Variants in CMYA5 observed in about 807,000 individuals in gnomAD.
The protein encoded by CMYA5 is cardiomyopathy-associated protein 5.
In CMYA5, 246 loss-of-function variants were observed where a neutral mutation model predicts 318.9. The observed-to-expected ratio is 0.77, with a 90% confidence interval of 0.70 to 0.86. The LOEUF (loss-of-function observed/expected upper bound fraction) is 0.86, where lower values mean the gene tolerates loss of function less well. Among genes scored for constraint, CMYA5 ranks in the 40% least tolerant of loss-of-function variants. CMYA5 has a pLI of 0.00. For missense variants in CMYA5, 4,589 were observed against 4,678.2 expected (o/e 0.98, Z 0.56); for synonymous variants, 1,641 against 1,729.5 (o/e 0.95, Z 1.27).
Position 79,737,665 on chromosome 5 carries a change from AG to A in CMYA5, c.8902del (p.Glu2968LysfsTer10). The A allele has an allele frequency of 6.2e-7, 1 of 1,613,266 alleles. No individual in the cohort carries two copies. Among genetic ancestry groups the A allele is most frequent in the South Asian group, 1.1e-5 (1 of 90,878 alleles). On this transcript the variant is annotated frameshift_variant, in exon 2 of 13. Transcript: ENST00000446378. LOFTEE classifies it high-confidence loss of function. ...CCGGCCTTTATTTCTTCAATCGATC[AG>A]GAAGAAAGTGAACAAATGCAAGATA... ...HAPAFISSIDQEESEQMQDKL... is the reference protein window; with the variant it reads ...HAPAFISSIDXEESEQMQDKL...
rs962152434 is a variant in CMYA5 at position 79,799,258 on chromosome 5, T to G, written c.11964-112T>G. The G allele has an allele frequency of 2.1e-5, 23 of 1,097,856 alleles. No homozygotes were observed. In the African/African-American group the frequency reaches 3.5e-4, roughly 17 times the overall value. 68.0% of individuals were successfully genotyped at this position (1,097,856 alleles called of 1,614,324 possible). On this transcript the variant is annotated intron_variant, in intron 12 of 12. Coordinates refer to ENST00000446378, the MANE Select transcript of CMYA5 (RefSeq NM_153610.5). ...TTTGGGACAGCATTATTGCAACTCC[T>G]TATTGTGAAGTGGAGTTAATAACTG...
intron 12 of CMYA5, among the ~76,000 whole-genome samples, chr5:79,796,446 A>G (rs1484381268): frequency 6.6e-6 from 1 of 152,148 alleles, no homozygotes; most frequent in African/African-American, 2.4e-5. Context: ...TGTGTGTGAC[A>G]GTATATACAG....
At chr5:79,760,252 G>A (rs968000588) in intron 7 of CMYA5, among the ~76,000 whole-genome samples, 1 of 146,910 alleles carries the variant, frequency 6.8e-6, no homozygotes, top group Admixed American at 6.9e-5. Flanking sequence ...GTGTCTCATT[G>A]TTTCTGTGCC....
intron 1 of CMYA5, among the ~76,000 whole-genome samples, chr5:79,704,336 A>G (rs951293541): frequency 2.0e-5 from 3 of 152,102 alleles, no homozygotes; most frequent in Non-Finnish European, 4.4e-5. Flanking sequence ...TGAATGCTGT[A>G]TCACACTCAA....
chr5:79,785,852 T>C (rs1829073298), intron 9 of CMYA5, among the ~76,000 whole-genome samples: 2 of 152,276 alleles, frequency 1.3e-5, no homozygotes, highest in African/African-American at 4.8e-5. Context: ...TTTCAATTCC[T>C]ACCAAAAATG....
At chr5:79,725,505 G>A (rs974406246) in intron 1 of CMYA5, among the ~76,000 whole-genome samples, 9 of 152,118 alleles carry the variant, frequency 5.9e-5, no homozygotes, top group Admixed American at 5.9e-4. Flanking sequence ...AACACACTGG[G>A]TACTATGTTC....
chr5:79,758,447 G>A (rs546783244), intron 6 of CMYA5, among the ~76,000 whole-genome samples: 2 of 151,816 alleles, frequency 1.3e-5, no homozygotes, highest in African/African-American at 2.4e-5. Flanking sequence ...CAGAAGAATC[G>A]CTTGAATCTG....
In CMYA5 at chr5:79,793,455, T is replaced by C. The variant is rs773621349; in HGVS notation, c.11808T>C (p.Gly3936=). The part of the protein sequence containing the change: ...RRLTEIPSVL[G]EELPSCGQHY... ...CCCACAGAATCCCGTCAGTGCTGGG[T>C]GAGGAGCTGCCTTCCTGTGGCCAGC... Residue 3936 remains glycine, a synonymous_variant, in exon 12 of 13, where the codon GGT becomes GGC. Transcript: ENST00000446378. 2.5e-6 allele frequency: 4 copies of C among 1,613,122 alleles called. No individual in the cohort carries two copies. The South Asian group carries it at 3.3e-5, about 13-fold the overall frequency.
At position 79,799,491 on chromosome 5, in the gene CMYA5, C is replaced by G. The variant is rs750021532; in HGVS notation, c.12085C>G (p.Gln4029Glu). ...RLIFINAESE[Q>E]LLFIIRHRFN... ...TATCTTCATCAACGCAGAGAGCGAG[C>G]AGTTGCTCTTCATCATCAGGCACAG... The change falls in exon 13 of 13, where the codon CAG becomes GAG. Residue 4029 changes from glutamine (Q) to glutamate (E), a missense_variant. Coordinates refer to ENST00000446378, the MANE Select transcript of CMYA5 (RefSeq NM_153610.5). 6.2e-7 allele frequency: 1 copy of G among 1,613,892 alleles called. No individual in the cohort carries two copies. Among genetic ancestry groups the G allele is most frequent in the East Asian group, 2.2e-5 (1 of 44,894 alleles).
In CMYA5 at chr5:79,790,854, C is replaced by T. The variant is rs1190655078; in HGVS notation, c.11690-116C>T. The T allele has an allele frequency of 1.9e-5, 13 of 670,952 alleles. 1 individual carries two copies. Among genetic ancestry groups the T allele is most frequent in the Middle Eastern group, 4.9e-4 (2 of 4,096 alleles). The allele number at this position is 670,952 out of a possible 1,614,324, so 41.6% of individuals were successfully genotyped here. On this transcript the variant is annotated intron_variant, in intron 10 of 12. Transcript: ENST00000446378. Reference sequence around the variant, plus strand: ...TTCAGCTGTGGATCTGAAGACACTTCGTGGGGGATTTTGACGTCAGGGGAA... The same window carrying T: ...TTCAGCTGTGGATCTGAAGACACTTTGTGGGGGATTTTGACGTCAGGGGAA...
In CMYA5 at chr5:79,730,291, T is replaced by A. The variant is rs752811814; in HGVS notation, c.1526T>A (p.Ile509Lys). 3 of 1,613,858 alleles carry A rather than the reference T, an allele frequency of 1.9e-6. No individual in the cohort carries two copies. Among genetic ancestry groups the A allele is most frequent in the East Asian group, 2.2e-5 (1 of 44,864 alleles). The change falls in exon 2 of 13, where the codon ATA becomes AAA. Residue 509 changes from isoleucine (I) to lysine (K), a missense_variant. Coordinates refer to ENST00000446378, the MANE Select transcript of CMYA5 (RefSeq NM_153610.5). ...TTAGAAGAACCAGAGAAAGAAGAAA[T>A]AGAAACTTCCCTACCCATAGCTATT... ...LMLEEPEKEE[I>K]ETSLPIAITP...
At position 79,733,019 on chromosome 5, in the gene CMYA5, G is replaced by T. The variant is rs748180369; in HGVS notation, c.4254G>T (p.Lys1418Asn). Residue 1418 changes from lysine (K) to asparagine (N), a missense_variant, in exon 2 of 13, where the codon AAG (lysine) becomes AAT (asparagine). By Grantham distance (94) the Lys-to-Asn change is moderately conservative (BLOSUM62 0). Around this residue, in one of 3 missense-constraint regions of CMYA5, gnomAD observed 2,132 missense variants for 2,131.3 expected, o/e 1.00. Transcript: ENST00000446378. ...DEHSVLAEED[K>N]VAIKGASPIE... ...ATTCAGTTCTTGCAGAAGAAGACAA[G>T]GTGGCAATTAAAGGTGCTTCTCCCA... The T allele has an allele frequency of 6.2e-7, 1 of 1,613,376 alleles. No individual in the cohort carries two copies. Among genetic ancestry groups the T allele is most frequent in the African/African-American group, 1.3e-5 (1 of 75,042 alleles).
In CMYA5 at chr5:79,737,964, C is replaced by A. The variant is rs771924406; in HGVS notation, c.9199C>A (p.Pro3067Thr). ...TLIDYNISPDPEKQKAPQKLN... is the reference protein window; with the variant it reads ...TLIDYNISPDTEKQKAPQKLN... ...GATTGATTATAACATCTCCCCAGAC[C>A]CAGAAAAACAGAAAGCTCCACAGAA... is the stretch of plus-strand genomic sequence containing the variant. The change falls in exon 2 of 13, where the codon CCA becomes ACA. Residue 3067 changes from proline (P) to threonine (T), a missense_variant. Around this residue, in one of 3 missense-constraint regions of CMYA5, gnomAD observed 2,431 missense variants for 2,495.1 expected, o/e 0.97. Transcript: ENST00000446378. The A allele has an allele frequency of 6.2e-7, 1 of 1,612,970 alleles. No individual in the cohort carries two copies.
At chr5:79,798,137 C>G (rs1259627935) in intron 12 of CMYA5, among the ~76,000 whole-genome samples, 1 of 152,174 alleles carries the variant, frequency 6.6e-6, no homozygotes, top group African/African-American at 2.4e-5. Context: ...CTCTGCCCTT[C>G]CACGTGAGCT....
chr5:79,736,353 A>C lies in CMYA5; in HGVS notation c.7588A>C (p.Ile2530Leu). 7 of 1,613,552 alleles carry C rather than the reference A, an allele frequency of 4.3e-6. No homozygotes were observed. The highest frequency in any genetic ancestry group is 5.9e-6 in the Non-Finnish European group (7 of 1,179,740). ...NEDYNERPKIIVGSEKEKGEE... is the reference protein window; with the variant it reads ...NEDYNERPKILVGSEKEKGEE... The stretch of plus-strand genomic sequence containing the variant: ...AGACTACAATGAAAGACCCAAAATC[A>C]TTGTTGGTTCTGAAAAGGAGAAAGG... Residue 2530 changes from isoleucine (I) to leucine (L), a missense_variant, in exon 2 of 13, where the codon ATT (isoleucine) becomes CTT (leucine). This residue lies in a region of CMYA5 where 2,431 missense variants were observed against 2,495.1 expected (regional missense o/e 0.97). Coordinates refer to ENST00000446378, the MANE Select transcript of CMYA5 (RefSeq NM_153610.5).
chr5:79,726,909 A>ATGTTTTTTTTTTTTTTTTTTTTT (rs1827758607), intron 1 of CMYA5, among the ~76,000 whole-genome samples: 1 of 96,040 alleles, frequency 1.0e-5, no homozygotes, highest in African/African-American at 5.2e-5. Flanking sequence ...TAGGCCAGTG[A>ATGTTTTTTTTTTTTTTTTTTTTT]TTTTTTTTTT....
rs1215558510 is a variant in CMYA5 at position 79,734,205 on chromosome 5, C to G, written c.5440C>G (p.Pro1814Ala). The change falls in exon 2 of 13, where the codon CCT becomes GCT. Residue 1814 changes from proline to alanine, a missense_variant. Around this residue, in one of 3 missense-constraint regions of CMYA5, gnomAD observed 2,132 missense variants for 2,131.3 expected, o/e 1.00. Transcript: ENST00000446378. ...QSITEPSKIA[P>A]SDLLVEQKKT... ...TATAACAGAACCATCAAAGATTGCT[C>G]CTTCTGACCTCCTTGTAGAACAAAA... is the stretch of plus-strand genomic sequence containing the variant. 3 of 1,613,828 alleles carry G rather than the reference C, an allele frequency of 1.9e-6. No individual in the cohort carries two copies. Among genetic ancestry groups the G allele is most frequent in the Admixed American group, 1.7e-5 (1 of 59,976 alleles).
At chr5:79,746,021 C>A (rs1402004152) in intron 4 of CMYA5, among the ~76,000 whole-genome samples, 1 of 152,230 alleles carries the variant, frequency 6.6e-6, no homozygotes, top group Admixed American at 6.5e-5. Flanking sequence ...AACTTGTAGA[C>A]ATGGAAATTC....
intron 2 of CMYA5, among the ~76,000 whole-genome samples, chr5:79,742,111 T>C (rs1334363873): frequency 4.3e-5 from 3 of 68,994 alleles, no homozygotes; most frequent in African/African-American, 7.0e-5. Context: ...TCTTCTTCTC[T>C]TCTTCTTCTT....
Sources: gnomAD v4.1 joint callset for allele counts (sites outside exome capture counted in the v4.1 genomes callset) on GRCh38, gnomAD v4.1.1 for gene constraint, gnomAD v4.1.1 regional missense constraint, MANE v1.5 for transcripts, NCBI Gene and HGNC (gene_info 2026-07-23, HGNC 2026-07-21) for gene names.